OXR1: variants seen among roughly 807,000 people sequenced by gnomAD.
OXR1 encodes oxidation resistance 1.
OXR1 carries 41 observed loss-of-function variants against 104.6 expected under a neutral mutation model. That is an observed-to-expected ratio of 0.39 (90% CI 0.31 to 0.51). The LOEUF (loss-of-function observed/expected upper bound fraction) is 0.51, where lower values mean the gene tolerates loss of function less well. Ranked by LOEUF, OXR1 falls within the 20% of genes least tolerant of loss-of-function variation. The pLI is 0.77. For synonymous variants in OXR1, 348 were observed against 348.4 expected (o/e 1.00, Z 0.01); for missense variants, 955 against 1,031.9 (o/e 0.93, Z 1.02).
intron 2 of OXR1, among the ~76,000 whole-genome samples, chr8:106,441,547 A>C (rs1340425311): frequency 6.6e-6 from 1 of 152,182 alleles, no homozygotes; most frequent in Non-Finnish European, 1.5e-5. Context: ...CCTATCCATG[A>C]GGATGGAGTG....
intron 3 of OXR1, among the ~76,000 whole-genome samples, chr8:106,667,198 AT>A (rs1826429442): frequency 6.6e-6 from 1 of 151,932 alleles, no homozygotes; most frequent in African/African-American, 2.4e-5. Flanking sequence ...ATAATCAAAG[AT>A]TTGATCTTGA....
At chr8:106,727,606 G>A (rs1488541050) in intron 11 of OXR1, among the ~76,000 whole-genome samples, 1 of 152,024 alleles carries the variant, frequency 6.6e-6, no homozygotes, top group African/African-American at 2.4e-5. Context: ...TTTTTATAGA[G>A]ACTAGGTTTC....
At chr8:106,312,472 C>T (rs1474658267) in intron 1 of OXR1, among the ~76,000 whole-genome samples, 2 of 152,168 alleles carry the variant, frequency 1.3e-5, no homozygotes, top group African/African-American at 4.8e-5. Context: ...ATTAATTCAG[C>T]ATACTATTAA....
At chr8:106,702,255 T>C (rs371896259) in intron 7 of OXR1, among the ~76,000 whole-genome samples, 12 of 152,170 alleles carry the variant, frequency 7.9e-5, no homozygotes, top group Admixed American at 2.0e-4. Context: ...CCACCGTGCC[T>C]GCCCTGTATC....
chr8:106,506,203 A>C (rs1232613372), intron 2 of OXR1, among the ~76,000 whole-genome samples: 1 of 152,208 alleles, frequency 6.6e-6, no homozygotes. Flanking sequence ...CAAGTTTAGA[A>C]ATCAAGAATT....
intron 1 of OXR1, among the ~76,000 whole-genome samples, chr8:106,287,736 A>G (rs1812558786): frequency 6.6e-6 from 1 of 152,216 alleles, no homozygotes; most frequent in African/African-American, 2.4e-5. Context: ...CTGATGGCTT[A>G]ATAAACTATT....
At chr8:106,496,949 G>T (rs990953397) in intron 2 of OXR1, among the ~76,000 whole-genome samples, 7 of 152,164 alleles carry the variant, frequency 4.6e-5, no homozygotes, top group Admixed American at 3.9e-4. Context: ...GGTCAAGGAA[G>T]GGGGCACTTC....
intron 2 of OXR1, among the ~76,000 whole-genome samples, chr8:106,511,614 T>C (rs192519889): frequency 4.5e-4 from 69 of 152,326 alleles, no homozygotes; most frequent in Non-Finnish European, 7.3e-4. Context: ...TGAGAATGTG[T>C]ATAGCTACTA....
intron 7 of OXR1, among the ~76,000 whole-genome samples, chr8:106,694,973 T>G (rs1436752363): frequency 7.3e-6 from 1 of 137,718 alleles, no homozygotes; most frequent in African/African-American, 2.7e-5. Flanking sequence ...TACATGTATA[T>G]TATAATATAT....
At chr8:106,430,836 G>A (rs1819333133) in intron 2 of OXR1, among the ~76,000 whole-genome samples, 1 of 152,144 alleles carries the variant, frequency 6.6e-6, no homozygotes, top group Non-Finnish European at 1.5e-5. Context: ...ATGGACTACA[G>A]TAATGCAACT....
At chr8:106,665,519 T>C (rs947522982) in intron 3 of OXR1, among the ~76,000 whole-genome samples, 3 of 152,226 alleles carry the variant, frequency 2.0e-5, no homozygotes, top group Non-Finnish European at 4.4e-5. Flanking sequence ...CCAGTTTGAG[T>C]TGGTCAGCTA....
intron 2 of OXR1, among the ~76,000 whole-genome samples, chr8:106,416,940 T>C (rs1234679268): frequency 3.3e-5 from 5 of 152,142 alleles, no homozygotes; most frequent in Non-Finnish European, 1.5e-5. Context: ...GATGGGGCCT[T>C]GACTCAGGAA....
intron 2 of OXR1, among the ~76,000 whole-genome samples, chr8:106,413,777 G>A (rs904909039): frequency 6.7e-6 from 1 of 150,252 alleles, no homozygotes; most frequent in Admixed American, 6.6e-5. Flanking sequence ...AGGCTGGAGT[G>A]CAGTAGTGCA....
intron 3 of OXR1, among the ~76,000 whole-genome samples, chr8:106,614,425 A>T (rs1821039079): frequency 6.6e-6 from 1 of 152,228 alleles, no homozygotes; most frequent in South Asian, 2.1e-4. Context: ...AAAATAAATA[A>T]CTAAACTAGA....
chr8:106,707,201 T>C (rs757062442), intron 9 of OXR1, 56 bp downstream of exon 9: 117 of 1,534,310 alleles, frequency 7.6e-5, no homozygotes, highest in Non-Finnish European at 6.5e-5. Context: ...TGTCTCCGTC[T>C]TTCCTCACTG....
At chr8:106,464,650 C>T (rs1821081596) in intron 2 of OXR1, among the ~76,000 whole-genome samples, 1 of 151,980 alleles carries the variant, frequency 6.6e-6, no homozygotes, top group African/African-American at 2.4e-5. Flanking sequence ...GTGAGACAGA[C>T]TCTTGGCAGT....
At chr8:106,604,231 C>T (rs191664677) in intron 3 of OXR1, among the ~76,000 whole-genome samples, 1 of 152,264 alleles carries the variant, frequency 6.6e-6, no homozygotes, top group Admixed American at 6.5e-5. Flanking sequence ...TATTTTCAAA[C>T]ACCTTTTAAA....
chr8:106,432,341 A>G (rs1025386387), intron 2 of OXR1, among the ~76,000 whole-genome samples: 2 of 151,904 alleles, frequency 1.3e-5, no homozygotes, highest in African/African-American at 2.4e-5. Flanking sequence ...TACAACACCA[A>G]TCCTTGCCAT....
At chr8:106,602,005 G>A (rs954407788) in intron 3 of OXR1, among the ~76,000 whole-genome samples, 12 of 152,022 alleles carry the variant, frequency 7.9e-5, no homozygotes, top group African/African-American at 1.4e-4. Context: ...AAGAAGTGAT[G>A]GGTGACCCTT....
Sources: allele counts gnomAD v4.1 joint callset (sites outside exome capture counted in the v4.1 genomes callset), GRCh38; gene constraint gnomAD v4.1.1; transcripts MANE v1.5; gene names NCBI Gene and HGNC (gene_info 2026-07-23, HGNC 2026-07-21).